Variants in NVL observed in about 807,000 individuals in gnomAD.
NVL encodes nuclear VCP like, also known as nuclear valosin-containing protein-like.
In NVL, 84 loss-of-function variants were observed where a neutral mutation model predicts 110.2. The observed-to-expected ratio is 0.76, with a 90% CI of 0.64 to 0.91. The LOEUF (loss-of-function observed/expected upper bound fraction) is 0.91, where lower values mean the gene tolerates loss of function less well. NVL is among the 40% of genes least tolerant of loss of function. The pLI, the probability that NVL is intolerant of heterozygous loss-of-function variation, is 0.00. For synonymous variants in NVL, 354 were observed against 361.1 expected (o/e 0.98, Z 0.22); for missense variants, 882 against 1,035.9 (o/e 0.85, Z 2.04).
At chr1:224,278,520 C>T (rs766377730) in intron 16 of NVL, among the ~76,000 whole-genome samples, 3 of 151,850 alleles carry the variant, frequency 2.0e-5, no homozygotes, top group South Asian at 2.1e-4. Flanking sequence ...CGTGAGCCAC[C>T]GCACCCAGCC....
At chr1:224,257,858 C>T (rs1663470657) in intron 18 of NVL, among the ~76,000 whole-genome samples, 2 of 152,036 alleles carry the variant, frequency 1.3e-5, no homozygotes, top group African/African-American at 2.4e-5. Context: ...GATATTGACA[C>T]TCAAAAGAAT....
chr1:224,240,627 A>C (rs997012973), intron 19 of NVL, among the ~76,000 whole-genome samples: 3 of 152,186 alleles, frequency 2.0e-5, no homozygotes, highest in Non-Finnish European at 4.4e-5. Flanking sequence ...ATAAAGGAAC[A>C]CAATAAATAA....
intron 9 of NVL, among the ~76,000 whole-genome samples, chr1:224,301,508 T>C (rs76343646): frequency 0.02 from 3,035 of 151,776 alleles, 66 homozygotes; most frequent in East Asian, 0.096. Flanking sequence ...ACCCAGAGAG[T>C]AGCCAGTTAC....
intron 18 of NVL, among the ~76,000 whole-genome samples, chr1:224,255,366 G>A (rs1179599644): frequency 6.6e-6 from 1 of 151,142 alleles, no homozygotes; most frequent in East Asian, 2.0e-4. Flanking sequence ...AATTTCTTTT[G>A]TATTTTTAGT....
In NVL at chr1:224,227,574, G is replaced by A; in HGVS notation, c.*52C>T. 1 of 1,561,656 alleles carries A rather than the reference G, an allele frequency of 6.4e-7. No homozygotes were observed. The highest frequency in any genetic ancestry group is 1.1e-5 in the South Asian group (1 of 88,158). ...AGTGGGTCCTTCAGAGCGTGTGGGG[G>A]ATTCTCTGCCGGCTTGATGGGCTAG... On this transcript the variant is annotated 3_prime_UTR_variant, in exon 23 of 23. Transcript: ENST00000281701.
chr1:224,308,922 G>C (rs1354947737), intron 5 of NVL, among the ~76,000 whole-genome samples: 1 of 151,548 alleles, frequency 6.6e-6, no homozygotes, highest in African/African-American at 2.4e-5. Flanking sequence ...TTAGCCAGGC[G>C]TGATGGCGGA....
chr1:224,308,253 T>C lies in NVL; in HGVS notation c.353A>G (p.His118Arg). 1 of 1,595,310 alleles carries C rather than the reference T, an allele frequency of 6.3e-7. No homozygotes were observed. The highest frequency in any genetic ancestry group is 1.1e-5 in the South Asian group (1 of 87,376). ...TAAAGACAGCAGGGAACTGTTCATG[T>C]GATTTGCTGACTGGCAGAAAGATAA... ...EDYPDPQSAN[H>R]MNSSLLSLYR... Residue 118 changes from histidine to arginine, a missense_variant, in exon 6 of 23, where the codon CAC becomes CGC. His to Arg is a conservative substitution (Grantham distance 29). Transcript: ENST00000281701.
chr1:224,288,012 G>T lies in NVL; in HGVS notation c.1576-19C>A. ...ATTCATCCTTGAAGGGAACAATAGA[G>T]GGGAAAAAAATAAAGAAACACCACA... On this transcript the variant is annotated intron_variant, in intron 13 of 22. Transcript: ENST00000281701. The T allele has an allele frequency of 6.3e-7, 1 of 1,578,132 alleles. No homozygotes were observed. The highest frequency in any genetic ancestry group is 8.7e-7 in the Non-Finnish European group (1 of 1,153,006).
intron 6 of NVL, 131 bp downstream of exon 6, chr1:224,307,860 A>G (rs1190290453): frequency 1.3e-6 from 1 of 781,834 alleles, no homozygotes; most frequent in Non-Finnish European, 1.9e-6. Flanking sequence ...GTGCAATGTG[A>G]TCAAATTCTC....
intron 18 of NVL, among the ~76,000 whole-genome samples, chr1:224,264,271 T>C (rs1327258075): frequency 6.7e-6 from 1 of 148,398 alleles, no homozygotes; most frequent in Non-Finnish European, 1.5e-5. Context: ...TGAGATGGAG[T>C]CTCACTCTGT....
At chr1:224,267,686 CAAAA>C (rs532968583) in intron 18 of NVL, among the ~76,000 whole-genome samples, 2 of 51,532 alleles carry the variant, frequency 3.9e-5, no homozygotes, top group Non-Finnish European at 4.0e-5. Flanking sequence ...GATTCTGTCT[CAAAA>C]AAAAAAAAAA....
chr1:224,269,105 T>TTTTTA (rs1664791957), intron 17 of NVL, among the ~76,000 whole-genome samples: 1 of 88,328 alleles, frequency 1.1e-5, no homozygotes, highest in African/African-American at 4.3e-5. Context: ...TTTTTTTTTT[T>TTTTTA]GAGACAGGGT....
intron 9 of NVL, chr1:224,301,666 G>A (rs527405166): frequency 4.6e-5 from 16 of 351,332 alleles, no homozygotes; most frequent in East Asian, 1.2e-4. Context: ...CAGGCATGCT[G>A]ATGCATGCCT....
intron 5 of NVL, among the ~76,000 whole-genome samples, chr1:224,309,985 C>A (rs1193384090): frequency 1.3e-5 from 2 of 151,960 alleles, no homozygotes. Context: ...GCCGAGATGA[C>A]ACCACTGAAC....
intron 18 of NVL, among the ~76,000 whole-genome samples, chr1:224,265,040 C>T (rs933890548): frequency 1.6e-4 from 25 of 152,034 alleles, no homozygotes; most frequent in African/African-American, 5.8e-4. Context: ...CCACCGTGCC[C>T]GGCCAGAACA....
intron 1 of NVL, among the ~76,000 whole-genome samples, chr1:224,329,806 T>C (rs1671503877): frequency 6.6e-6 from 1 of 152,204 alleles, no homozygotes; most frequent in Non-Finnish European, 1.5e-5. Context: ...CTGAATGATC[T>C]GCGCTGAAGA....
At chr1:224,274,742 T>C (rs1263233519) in intron 17 of NVL, among the ~76,000 whole-genome samples, 1 of 152,202 alleles carries the variant, frequency 6.6e-6, no homozygotes, top group African/African-American at 2.4e-5. Context: ...CAAATTGTTA[T>C]ACAATAGCAC....
intron 15 of NVL, among the ~76,000 whole-genome samples, chr1:224,282,995 G>A (rs1475445986): frequency 6.6e-6 from 1 of 152,136 alleles, no homozygotes; most frequent in African/African-American, 2.4e-5. Context: ...TGCCATTCAA[G>A]GACATTTTCT....
chr1:224,304,871 T>C, intron 7 of NVL, 59 bp from the exon 8 acceptor site: 2 of 1,503,748 alleles, frequency 1.3e-6, no homozygotes, highest in South Asian at 1.1e-5. Flanking sequence ...CTCATAATTA[T>C]AATGAATAGT....
Sources: allele counts gnomAD v4.1 joint callset (sites outside exome capture counted in the v4.1 genomes callset), GRCh38; gene constraint gnomAD v4.1.1; transcripts MANE v1.5; gene names NCBI Gene and HGNC (gene_info 2026-07-23, HGNC 2026-07-21).